Variants in UTS2B observed in about 807,000 individuals in gnomAD.
UTS2B encodes urotensin 2B.
A neutral mutation model predicts 19.2 loss-of-function variants in UTS2B; 21 were observed. The ratio of observed to expected loss-of-function variants is 1.09; its 90% CI spans 0.78 to 1.58. The LOEUF is 1.58. Among genes scored for constraint, UTS2B ranks in the 40% most tolerant of loss-of-function variants. The pLI is 0.00. For synonymous variants in UTS2B, 57 were observed against 50.2 expected (o/e 1.14, Z -0.58); for missense variants, 138 against 130.3 (o/e 1.06, Z -0.29).
At chr3:191,291,892 G>A (rs547241096) in intron 4 of UTS2B, among the ~76,000 whole-genome samples, 2 of 152,130 alleles carry the variant, frequency 1.3e-5, no homozygotes, top group Admixed American at 6.5e-5. Context: ...AATGGTCTTG[G>A]TAGCTTGTCA....
intron 8 of UTS2B, among the ~76,000 whole-genome samples, chr3:191,271,260 C>T (rs545530774): frequency 6.6e-6 from 1 of 151,178 alleles, no homozygotes; most frequent in African/African-American, 2.4e-5. Context: ...ACCAGATCAC[C>T]CCATCCAGAC....
At chr3:191,322,592 T>C (rs1250008472) in intron 2 of UTS2B, among the ~76,000 whole-genome samples, 1 of 152,156 alleles carries the variant, frequency 6.6e-6, no homozygotes, top group Non-Finnish European at 1.5e-5. Context: ...CCAAAGAGGT[T>C]TGCTGTAAAT....
At chr3:191,315,050 C>T (rs1039875592) in intron 3 of UTS2B, among the ~76,000 whole-genome samples, 11 of 146,972 alleles carry the variant, frequency 7.5e-5, no homozygotes, top group South Asian at 2.1e-4. Flanking sequence ...TTCACTGTTT[C>T]GTCCAGGCTG....
chr3:191,331,540 A>G (rs1486918644), upstream of UTS2B, among the ~76,000 whole-genome samples: 1 of 152,232 alleles, frequency 6.6e-6, no homozygotes, highest in Non-Finnish European at 1.5e-5. Context: ...AATTGGTAAG[A>G]AAATTCAGTG....
chr3:191,331,806 T>C (rs1322611858), upstream of UTS2B, among the ~76,000 whole-genome samples: 2 of 152,200 alleles, frequency 1.3e-5, no homozygotes, highest in African/African-American at 4.8e-5. Context: ...TTTATCCTAA[T>C]TAAAGAGAAT....
chr3:191,304,822 CCCACCCT>C (rs1311048583), intron 3 of UTS2B, among the ~76,000 whole-genome samples: 3 of 152,150 alleles, frequency 2.0e-5, no homozygotes, highest in Non-Finnish European at 2.9e-5. Flanking sequence ...TTTCCCTCCT[CCCACCCT>C]CCACCCTCCA....
intron 4 of UTS2B, among the ~76,000 whole-genome samples, chr3:191,290,049 A>C (rs528616229): frequency 2.0e-4 from 30 of 152,344 alleles, no homozygotes; most frequent in African/African-American, 7.0e-4. Context: ...GTTGTACACA[A>C]TAGATGTACA....
At chr3:191,269,475 A>G (rs1716028454) in intron 8 of UTS2B, among the ~76,000 whole-genome samples, 2 of 151,566 alleles carry the variant, frequency 1.3e-5, no homozygotes, top group African/African-American at 2.4e-5. Flanking sequence ...TTCACCCACT[A>G]ATCTCACCTT....
At chr3:191,274,822 A>G (rs1201698999) in intron 8 of UTS2B, among the ~76,000 whole-genome samples, 1 of 152,242 alleles carries the variant, frequency 6.6e-6, no homozygotes, top group African/African-American at 2.4e-5. Flanking sequence ...CATAATCCAA[A>G]AAAGTAATCT....
the UTS2B span, among the ~76,000 whole-genome samples, chr3:191,343,506 A>G: frequency 6.6e-6 from 1 of 152,356 alleles, no homozygotes; most frequent in East Asian, 1.9e-4. Flanking sequence ...TTATAAACCC[A>G]TTTAAAAAGT....
intron 5 of UTS2B, 88 bp downstream of exon 5, chr3:191,281,999 C>G: frequency 1.1e-6 from 1 of 928,608 alleles, no homozygotes. Flanking sequence ...AACATTATTT[C>G]AACAATGGCA....
At chr3:191,346,111 C>A in the UTS2B span, among the ~76,000 whole-genome samples, 12 of 152,076 alleles carry the variant, frequency 7.9e-5, 1 homozygote, top group Admixed American at 3.9e-4. Flanking sequence ...AAATTTGGGA[C>A]CATATGTGGG....
intron 5 of UTS2B, among the ~76,000 whole-genome samples, chr3:191,278,522 AAGT>A (rs978357286): frequency 6.6e-6 from 1 of 151,960 alleles, no homozygotes; most frequent in Non-Finnish European, 1.5e-5. Flanking sequence ...TATAAACTAA[AAGT>A]AGTTTTCAAA....
chr3:191,310,968 G>A (rs879359265), intron 3 of UTS2B, among the ~76,000 whole-genome samples: 2 of 152,170 alleles, frequency 1.3e-5, no homozygotes, highest in Non-Finnish European at 2.9e-5. Flanking sequence ...ACTTTAAGTT[G>A]GCTTTTATTT....
intron 1 of UTS2B, among the ~76,000 whole-genome samples, chr3:191,330,174 C>T (rs557079480): frequency 5.3e-5 from 8 of 152,252 alleles, no homozygotes; most frequent in Non-Finnish European, 7.4e-5. Flanking sequence ...CCTTCTCTCC[C>T]TACTTTTCCT....
chr3:191,333,905 A>G (rs538327801), upstream of UTS2B, among the ~76,000 whole-genome samples: 42 of 152,290 alleles, frequency 2.8e-4, no homozygotes, highest in African/African-American at 9.6e-4. Flanking sequence ...TTGTAAATAG[A>G]ATTCATTCAA....
chr3:191,313,725 C>CTTTTTTTTTTTTT (rs57398216), intron 3 of UTS2B, among the ~76,000 whole-genome samples: 4 of 109,122 alleles, frequency 3.7e-5, no homozygotes, highest in African/African-American at 1.0e-4. Flanking sequence ...CTCCACTTTC[C>CTTTTTTTTTTTTT]TTTTTTTTTT....
At chr3:191,302,061 A>T (rs573463184) in intron 4 of UTS2B, among the ~76,000 whole-genome samples, 1 of 152,334 alleles carries the variant, frequency 6.6e-6, no homozygotes, top group Admixed American at 6.5e-5. Flanking sequence ...GAAGGTCAGC[A>T]CAAGATGCAG....
chr3:191,338,882 T>C, the UTS2B span, among the ~76,000 whole-genome samples: 12 of 152,356 alleles, frequency 7.9e-5, no homozygotes, highest in African/African-American at 2.9e-4. Context: ...ATGCTGGTAA[T>C]TTTTGTACAC....
Sources: allele counts gnomAD v4.1 joint callset (sites outside exome capture counted in the v4.1 genomes callset), GRCh38; gene constraint gnomAD v4.1.1; transcripts MANE v1.5; gene names NCBI Gene and HGNC (gene_info 2026-07-23, HGNC 2026-07-21).